The following SRBD1 variants were observed in gnomAD, a reference collection of about 807,000 sequenced individuals.
SRBD1 encodes S1 RNA-binding domain-containing protein 1.
SRBD1 carries 88 observed loss-of-function variants against 115.3 expected under a neutral mutation model. That is an observed-to-expected ratio of 0.76 (90% confidence interval 0.64 to 0.91). The LOEUF is 0.91. SRBD1 is among the 40% of genes least tolerant of loss of function. SRBD1 has a pLI of 0.00. For synonymous variants in SRBD1, 509 were observed against 407.7 expected (o/e 1.25, Z -2.99); for missense variants, 1,385 against 1,177.4 (o/e 1.18, Z -2.58).
At chr2:45,558,370 A>C (rs1230538969) in intron 10 of SRBD1, among the ~76,000 whole-genome samples, 1 of 152,230 alleles carries the variant, frequency 6.6e-6, no homozygotes, top group Non-Finnish European at 1.5e-5. Flanking sequence ...GCAAATGCAG[A>C]AACTTAAATT....
intron 14 of SRBD1, among the ~76,000 whole-genome samples, chr2:45,495,236 TA>T (rs2103875446): frequency 6.6e-6 from 1 of 152,282 alleles, no homozygotes; most frequent in Non-Finnish European, 1.5e-5. Context: ...AATTACCAAC[TA>T]AAAAGCAGAG....
chr2:45,466,589 A>T (rs748140971), intron 16 of SRBD1, among the ~76,000 whole-genome samples: 4 of 152,220 alleles, frequency 2.6e-5, no homozygotes, highest in Non-Finnish European at 5.9e-5. Flanking sequence ...TATGGTAATC[A>T]TCAATATTTT....
chr2:45,574,323 C>A (rs141240085), intron 8 of SRBD1, among the ~76,000 whole-genome samples: 9 of 152,292 alleles, frequency 5.9e-5, no homozygotes, highest in African/African-American at 2.2e-4. Context: ...GGACATGAAT[C>A]TCTCTTCGTA....
At chr2:45,432,894 A>G (rs748393327) in intron 16 of SRBD1, among the ~76,000 whole-genome samples, 1 of 152,152 alleles carries the variant, frequency 6.6e-6, no homozygotes, top group Non-Finnish European at 1.5e-5. Context: ...TTACTCTACC[A>G]CAAACTTCTG....
intron 14 of SRBD1, among the ~76,000 whole-genome samples, chr2:45,518,426 T>C (rs1384565114): frequency 6.6e-6 from 1 of 152,188 alleles, no homozygotes; most frequent in African/African-American, 2.4e-5. Context: ...GTATTATAAT[T>C]TCCAAACTAG....
intron 3 of SRBD1, 116 bp downstream of exon 3, chr2:45,601,787 C>A: frequency 1.5e-6 from 2 of 1,337,296 alleles, no homozygotes; most frequent in Non-Finnish European, 2.0e-6. Context: ...GTAGGGGATG[C>A]CATTGCTGGC....
chr2:45,393,922 C>T (rs1245924412), intron 19 of SRBD1, among the ~76,000 whole-genome samples: 1 of 152,134 alleles, frequency 6.6e-6, no homozygotes, highest in Non-Finnish European at 1.5e-5. Context: ...CCCTTGATGG[C>T]AGTATTACCT....
At chr2:45,429,199 T>C (rs527297846) in intron 16 of SRBD1, among the ~76,000 whole-genome samples, 10 of 152,116 alleles carry the variant, frequency 6.6e-5, no homozygotes, top group Admixed American at 3.3e-4. Flanking sequence ...GAATTTGCAG[T>C]TGAATTCCAC....
intron 1 of SRBD1, among the ~76,000 whole-genome samples, chr2:45,609,970 G>A (rs1477395650): frequency 1.3e-5 from 2 of 152,132 alleles, no homozygotes; most frequent in Non-Finnish European, 2.9e-5. Context: ...AACATAATAT[G>A]TACAAATATG....
chr2:45,569,010 A>G (rs979894445), intron 9 of SRBD1, among the ~76,000 whole-genome samples: 4 of 152,208 alleles, frequency 2.6e-5, no homozygotes, highest in African/African-American at 9.7e-5. Context: ...ATAATAGTGA[A>G]ACATTTCAAA....
At chr2:45,399,811 T>C (rs1249531286) in intron 19 of SRBD1, among the ~76,000 whole-genome samples, 1 of 152,200 alleles carries the variant, frequency 6.6e-6, no homozygotes, top group African/African-American at 2.4e-5. Flanking sequence ...ACAGACTCTC[T>C]ACAGCTCAAA....
intron 16 of SRBD1, among the ~76,000 whole-genome samples, chr2:45,441,397 T>C (rs74712443): frequency 0.014 from 2,195 of 152,356 alleles, 57 homozygotes; most frequent in African/African-American, 0.048. Flanking sequence ...TATCACCTGA[T>C]GCACACAGGT....
intron 19 of SRBD1, among the ~76,000 whole-genome samples, chr2:45,394,521 T>C (rs1667089789): frequency 6.6e-6 from 1 of 152,194 alleles, no homozygotes; most frequent in African/African-American, 2.4e-5. Context: ...TTGTTGGAGG[T>C]TTGTCTATAA....
intron 16 of SRBD1, among the ~76,000 whole-genome samples, chr2:45,472,807 C>T (rs1669689952): frequency 6.6e-6 from 1 of 152,144 alleles, no homozygotes; most frequent in East Asian, 1.9e-4. Context: ...ATCATACTTT[C>T]TTGGAAGACT....
chr2:45,542,137 C>T (rs1453460325), intron 14 of SRBD1, among the ~76,000 whole-genome samples: 1 of 152,224 alleles, frequency 6.6e-6, no homozygotes, highest in Non-Finnish European at 1.5e-5. Flanking sequence ...GCCATCACCC[C>T]ACCCCAGCCT....
In SRBD1 at chr2:45,424,256, C is replaced by T. The variant is rs1042375340; in HGVS notation, c.2050-4362G>A. On this transcript the variant is annotated intron_variant, in intron 16 of 20. Transcript: ENST00000263736. Reference sequence around the variant, plus strand: ...GTGCTAGGCAGCTTCCAAGATGGTTCCCAATGATCCTCAAATCCTGGTATT... The same window carrying T: ...GTGCTAGGCAGCTTCCAAGATGGTTTCCAATGATCCTCAAATCCTGGTATT... Among the ~76,000 whole-genome samples the T allele has an allele frequency of 3.9e-5, 6 of 152,186 alleles. No homozygotes were observed. The East Asian group carries it at 1.2e-3, about 29-fold the overall frequency.
chr2:45,590,901 C>A (rs1467197083), intron 4 of SRBD1, among the ~76,000 whole-genome samples: 1 of 151,904 alleles, frequency 6.6e-6, no homozygotes, highest in Non-Finnish European at 1.5e-5. Context: ...CCTGTAATCC[C>A]AGCTACTCAG....
rs1668128592 is a variant in SRBD1, at chr2:45,425,627, A to C, written c.2050-5733T>G. ...CCAACTGAGGTACCTGGCTCATCTC[A>C]TTGGGACTGGTTAGACAGTGGGTAC... is the stretch of plus-strand genomic sequence containing the variant. On this transcript the variant is annotated intron_variant, in intron 16 of 20. Transcript: ENST00000263736. 3.3e-5 allele frequency among the ~76,000 whole-genome samples: 5 copies of C among 152,094 alleles called. No individual in the cohort carries two copies. The South Asian group carries it at 1.0e-3, about 32-fold the overall frequency.
At chr2:45,413,399 C>T (rs998288931) in intron 18 of SRBD1, 106 bp from the exon 19 acceptor site, 2 of 1,304,208 alleles carry the variant, frequency 1.5e-6, no homozygotes, top group East Asian at 2.4e-5. Flanking sequence ...TATGCGAAAA[C>T]AGCAACCAGA....
Sources: allele counts gnomAD v4.1 joint callset (sites outside exome capture counted in the v4.1 genomes callset), GRCh38; gene constraint gnomAD v4.1.1; transcripts MANE v1.5; gene names NCBI Gene and HGNC (gene_info 2026-07-23, HGNC 2026-07-21).